Variants in SP4 observed in about 807,000 individuals in gnomAD.
SP4 encodes the protein Sp4 transcription factor, also known as transcription factor Sp4.
SP4 carries 19 observed loss-of-function variants against 72.8 expected under a neutral mutation model. The ratio of observed to expected loss-of-function variants is 0.26; its 90% CI spans 0.18 to 0.38. The LOEUF (loss-of-function observed/expected upper bound fraction) is 0.38. Among genes scored for constraint, SP4 ranks in the 10% least tolerant of loss-of-function variants. The probability of loss-of-function intolerance (pLI) is 1.00; values close to 1 mark genes in which losing one functional copy is unlikely to be tolerated. For synonymous variants in SP4, 395 were observed against 333.1 expected (o/e 1.19, Z -2.02); for missense variants, 1,008 against 926.3 (o/e 1.09, Z -1.14).
intron 5 of SP4, among the ~76,000 whole-genome samples, chr7:21,508,580 G>C (rs1398077852): frequency 6.6e-6 from 1 of 152,096 alleles, no homozygotes; most frequent in African/African-American, 2.4e-5. Context: ...ACCCACCTCA[G>C]CCTCCTAAAG....
intron 3 of SP4, among the ~76,000 whole-genome samples, chr7:21,452,658 A>AT (rs1783635299): frequency 6.6e-6 from 1 of 152,198 alleles, no homozygotes. Flanking sequence ...AACAGATTTT[A>AT]TTGCACTTAT....
At chr7:21,490,438 C>T (rs1784945371) in intron 5 of SP4, among the ~76,000 whole-genome samples, 1 of 152,184 alleles carries the variant, frequency 6.6e-6, no homozygotes, top group South Asian at 2.1e-4. Flanking sequence ...GCTAGGGGAA[C>T]TAGAAAATAG....
At chr7:21,504,637 A>G (rs528365814) in intron 5 of SP4, among the ~76,000 whole-genome samples, 3 of 152,312 alleles carry the variant, frequency 2.0e-5, no homozygotes, top group South Asian at 2.1e-4. Flanking sequence ...TCTCCTTTCC[A>G]TAGGAAACTG....
intron 3 of SP4, among the ~76,000 whole-genome samples, chr7:21,475,232 A>G (rs538682995): frequency 6.6e-6 from 1 of 151,498 alleles, no homozygotes; most frequent in African/African-American, 2.4e-5. Flanking sequence ...CTGCTGCCTC[A>G]GCTTCCCAAG....
In SP4 at chr7:21,511,205, C is replaced by T. The variant is rs1373747218; in HGVS notation, c.2291C>T (p.Ala764Val). ...VLGSPRIVTV[A>V]AISQDSNPAT... ...GGCTCCCCAAGAATTGTCACAGTTG[C>T]AGCCATTTCTCAAGATTCGAATCCA... is the stretch of plus-strand genomic sequence containing the variant. Residue 764 changes from alanine (A) to valine (V), a missense_variant, in exon 6 of 6, where the codon GCA becomes GTA. Physicochemically the swap from Ala to Val is moderately conservative, Grantham distance 64 (BLOSUM62 0). Around this residue, in one of 3 missense-constraint regions of SP4, gnomAD observed 67 missense variants for 66.1 expected, o/e 1.01. Transcript: ENST00000222584. 1 of 1,614,016 alleles carries T rather than the reference C, an allele frequency of 6.2e-7. No homozygotes were observed. Among genetic ancestry groups the T allele is most frequent in the Admixed American group, 1.7e-5 (1 of 60,010 alleles).
At chr7:21,510,577 G>C (rs1782116553) in intron 5 of SP4, among the ~76,000 whole-genome samples, 1 of 152,094 alleles carries the variant, frequency 6.6e-6, no homozygotes, top group Admixed American at 6.5e-5. Flanking sequence ...TATTAACTTA[G>C]TTTATTTGAA....
intron 4 of SP4, among the ~76,000 whole-genome samples, chr7:21,478,007 G>A (rs1784560158): frequency 6.6e-6 from 1 of 152,090 alleles, no homozygotes; most frequent in Admixed American, 6.5e-5. Context: ...ATCATCCCCA[G>A]AATAAATTCT....
At position 21,511,460 on chromosome 7, in the gene SP4, T is replaced by G; in HGVS notation, c.*191T>G. 1 of 563,006 alleles carries G rather than the reference T, an allele frequency of 1.8e-6. No individual in the cohort carries two copies. 34.9% of individuals were successfully genotyped at this position (563,006 alleles called of 1,614,324 possible). On this transcript the variant is annotated 3_prime_UTR_variant, in exon 6 of 6. Transcript: ENST00000222584. ...AAAAAATACAAAAAGCAGACTGATG[T>G]ACTGGAAACAGAAAAGTATTTCCTC...
intron 3 of SP4, among the ~76,000 whole-genome samples, chr7:21,447,031 C>T (rs889968426): frequency 6.6e-6 from 1 of 152,198 alleles, no homozygotes; most frequent in African/African-American, 2.4e-5. Context: ...CCTTCAGCAA[C>T]AGCAAAGATG....
chr7:21,496,388 A>C (rs908028967), intron 5 of SP4, among the ~76,000 whole-genome samples: 1 of 152,250 alleles, frequency 6.6e-6, no homozygotes, highest in Non-Finnish European at 1.5e-5. Flanking sequence ...TGCATGCCTC[A>C]GTATCAGGCA....
At chr7:21,433,348 T>C (rs958135358) in intron 3 of SP4, among the ~76,000 whole-genome samples, 2 of 152,178 alleles carry the variant, frequency 1.3e-5, no homozygotes, top group Non-Finnish European at 2.9e-5. Context: ...ATTTTGTCGA[T>C]GTTGTTTATG....
At chr7:21,502,041 C>CCG (rs1491504580) in intron 5 of SP4, among the ~76,000 whole-genome samples, 1 of 29,834 alleles carries the variant, frequency 3.4e-5, no homozygotes, top group African/African-American at 1.4e-4. Flanking sequence ...TCATTAGGCA[C>CCG]CCCCCCCCCC....
chr7:21,488,766 T>TA (rs961840203), intron 5 of SP4, among the ~76,000 whole-genome samples: 17 of 148,838 alleles, frequency 1.1e-4, no homozygotes, highest in South Asian at 2.1e-4. Context: ...CCCCGTCTCT[T>TA]AAAAAAAAAA....
chr7:21,487,127 C>T (rs2128412481), intron 5 of SP4, among the ~76,000 whole-genome samples: 1 of 152,248 alleles, frequency 6.6e-6, no homozygotes, highest in African/African-American at 2.4e-5. Flanking sequence ...TAATTCAATA[C>T]TATCATTTTC....
intron 3 of SP4, among the ~76,000 whole-genome samples, chr7:21,438,823 A>G (rs1288774655): frequency 6.6e-6 from 1 of 152,366 alleles, no homozygotes; most frequent in East Asian, 1.9e-4. Context: ...TATGCTAACA[A>G]GTCACTTAGT....
intron 5 of SP4, among the ~76,000 whole-genome samples, chr7:21,506,879 G>C (rs995527736): frequency 2.6e-5 from 4 of 152,176 alleles, no homozygotes; most frequent in African/African-American, 9.7e-5. Flanking sequence ...TGTCCTACGA[G>C]TGGACTCCTT....
chr7:21,480,744 A>G (rs1784661974), intron 4 of SP4, among the ~76,000 whole-genome samples: 1 of 152,188 alleles, frequency 6.6e-6, no homozygotes, highest in South Asian at 2.1e-4. Context: ...CTGGCAAACT[A>G]GCCAACCTGT....
intron 3 of SP4, among the ~76,000 whole-genome samples, chr7:21,445,075 C>G (rs1014341789): frequency 2.6e-5 from 4 of 152,074 alleles, no homozygotes; most frequent in African/African-American, 9.7e-5. Context: ...ATCTCCCTGA[C>G]TAAATATTTG....
intron 3 of SP4, among the ~76,000 whole-genome samples, chr7:21,440,871 ACAACAACAACAACAACAGCAG>A (rs869253334): frequency 6.9e-5 from 1 of 14,436 alleles, no homozygotes; most frequent in East Asian, 0.018. Context: ...AACAACAACA[ACAACAACAACAACAACAGCAG>A]CAAACAGGTG....
Sources: gnomAD v4.1 joint callset for allele counts (sites outside exome capture counted in the v4.1 genomes callset) on GRCh38, gnomAD v4.1.1 for gene constraint, gnomAD v4.1.1 regional missense constraint, MANE v1.5 for transcripts, NCBI Gene and HGNC (gene_info 2026-07-23, HGNC 2026-07-21) for gene names.